The following ARHGEF4 variants were observed in gnomAD, a reference collection of about 807,000 sequenced individuals.
The protein encoded by ARHGEF4 is APC-stimulated guanine nucleotide exchange factor 1.
Under a neutral mutation model 162.0 loss-of-function variants are expected in ARHGEF4, and 119 were observed. That is an observed-to-expected ratio of 0.73 (90% CI 0.63 to 0.86). ARHGEF4 has a LOEUF of 0.86. ARHGEF4 is among the 40% of genes least tolerant of loss of function. ARHGEF4 has a pLI of 0.00. For synonymous variants in ARHGEF4, 1,014 were observed against 979.9 expected, an observed-to-expected ratio of 1.03 and a Z score of -0.65; for missense variants, 2,488 against 2,456.0, an observed-to-expected ratio of 1.01 and a Z score of -0.28.
intron 4 of ARHGEF4, chr2:130,964,234 C>T: frequency 6.1e-6 from 6 of 985,640 alleles, no homozygotes; most frequent in Non-Finnish European, 7.2e-6. Context: ...GGAGAGCCTG[C>T]GCTCGGCCAC....
chr2:130,889,036 C>T (rs895512590), intron 1 of ARHGEF4, among the ~76,000 whole-genome samples: 1 of 150,674 alleles, frequency 6.6e-6, no homozygotes, highest in South Asian at 2.1e-4. Context: ...ACCTGGGAGG[C>T]GGAGGTTGCA....
At position 130,857,019 on chromosome 2, in the gene ARHGEF4, A is replaced by G. The variant is rs545336206; in HGVS notation, c.39+20027A>G. On this transcript the variant is annotated intron_variant, in intron 1 of 13. Transcript: ENST00000409359. ...GGGTGGATCACGAGGTCAGGAGATC[A>G]AGACCATCCTGGCTAACATGGTGAA... Among the ~76,000 whole-genome samples the G allele has an allele frequency of 3.1e-4, 47 of 152,208 alleles. No individual in the cohort carries two copies. In the East Asian group the frequency reaches 3.1e-3, roughly 10 times the overall value.
intron 9 of ARHGEF4, 40 bp downstream of exon 9, chr2:131,041,502 G>GT: frequency 6.4e-7 from 1 of 1,573,320 alleles, no homozygotes; most frequent in Non-Finnish European, 8.7e-7. Flanking sequence ...CCACGCCTCT[G>GT]CATGCCTCCA....
At chr2:131,006,224 C>T (rs1284757614) in intron 4 of ARHGEF4, among the ~76,000 whole-genome samples, 1 of 152,110 alleles carries the variant, frequency 6.6e-6, no homozygotes, top group Non-Finnish European at 1.5e-5. Context: ...TTGATTCAGC[C>T]GCAGAGCCTC....
intron 4 of ARHGEF4, among the ~76,000 whole-genome samples, chr2:130,988,901 T>TATATAGAG (rs1469212068): frequency 1.4e-3 from 163 of 113,332 alleles, no homozygotes; most frequent in South Asian, 2.1e-3. Context: ...TATATATATA[T>TATATAGAG]AGAGAGAGAG....
In ARHGEF4 at chr2:130,915,157, G is replaced by C; in HGVS notation, c.1211G>C (p.Cys404Ser). The change falls in exon 2 of 14, where the codon TGC becomes TCC. Residue 404 changes from cysteine to serine, a missense_variant. By Grantham distance (112) the Cys-to-Ser change is moderately radical. Coordinates refer to ENST00000409359, the MANE Select transcript of ARHGEF4 (RefSeq NM_001367493.1). The part of the protein sequence containing the change: ...QSGAPHLQGP[C>S]KPGGFRLQRA... ...GGGGCTCCCCATCTGCAGGGTCCCTGCAAGCCTGGTGGGTTTCGCTTGCAA... is the reference window on the plus strand; with the variant it reads ...GGGGCTCCCCATCTGCAGGGTCCCTCCAAGCCTGGTGGGTTTCGCTTGCAA... 6.4e-6 allele frequency: 10 copies of C among 1,550,612 alleles called. No individual in the cohort carries two copies. Among genetic ancestry groups the C allele is most frequent in the Non-Finnish European group, 8.7e-6 (10 of 1,147,006 alleles).
intron 1 of ARHGEF4, among the ~76,000 whole-genome samples, chr2:130,839,371 G>T (rs1270834899): frequency 1.3e-5 from 2 of 152,152 alleles, no homozygotes; most frequent in African/African-American, 4.8e-5. Context: ...CTTCATTCTG[G>T]GAACCTCAGA....
At chr2:131,012,562 T>TTG (rs57278153) in intron 4 of ARHGEF4, among the ~76,000 whole-genome samples, 123,437 of 144,108 alleles carry the variant, frequency 0.86, 54,658 homozygotes, top group Non-Finnish European at 0.97. Context: ...GCCAGGACTT[T>TTG]TGTGTGTGTG....
intron 3 of ARHGEF4, among the ~76,000 whole-genome samples, chr2:130,935,512 T>C (rs1031958758): frequency 1.3e-4 from 20 of 152,232 alleles, no homozygotes; most frequent in Admixed American, 2.0e-4. Context: ...CTTTTACAAC[T>C]AGAAAGTTCC....
chr2:131,014,484 A>C (rs1211795215), intron 4 of ARHGEF4, among the ~76,000 whole-genome samples: 2 of 152,208 alleles, frequency 1.3e-5, no homozygotes. Context: ...AATTGCATTA[A>C]ACCTATGCAT....
intron 4 of ARHGEF4, among the ~76,000 whole-genome samples, chr2:131,024,090 C>A (rs753276463): frequency 1.3e-5 from 2 of 152,142 alleles, no homozygotes; most frequent in Non-Finnish European, 2.9e-5. Flanking sequence ...GTGCCATACG[C>A]CTATACACAC....
chr2:131,015,512 C>G (rs541179190), intron 4 of ARHGEF4, among the ~76,000 whole-genome samples: 2 of 152,282 alleles, frequency 1.3e-5, no homozygotes, highest in Admixed American at 6.5e-5. Context: ...GTGTGGGTGC[C>G]TGGGAACTCT....
At chr2:131,043,755 C>A in intron 11 of ARHGEF4, 172 bp downstream of exon 11, 1 of 807,802 alleles carries the variant, frequency 1.2e-6, no homozygotes, top group Non-Finnish European at 1.9e-6. Context: ...CCTGGTGGCC[C>A]AGGAGCAGCA....
At chr2:130,943,177 T>A (rs1266990162) in intron 3 of ARHGEF4, among the ~76,000 whole-genome samples, 1 of 152,208 alleles carries the variant, frequency 6.6e-6, no homozygotes, top group African/African-American at 2.4e-5. Flanking sequence ...GTCTTTTTGG[T>A]GAATTCACTC....
intron 2 of ARHGEF4, among the ~76,000 whole-genome samples, chr2:130,922,157 G>A (rs893751549): frequency 6.6e-6 from 1 of 151,962 alleles, no homozygotes; most frequent in Non-Finnish European, 1.5e-5. Flanking sequence ...ATCACCTGAG[G>A]TTAGGGGTTC....
At chr2:130,891,817 TG>T (rs1392702169) in intron 1 of ARHGEF4, among the ~76,000 whole-genome samples, 1 of 152,134 alleles carries the variant, frequency 6.6e-6, no homozygotes, top group Admixed American at 6.5e-5. Context: ...CATTGGGTAC[TG>T]GGGCTTTGAC....
chr2:131,040,166 A>C lies in ARHGEF4; in HGVS notation c.4456A>C (p.Ile1486Leu). ...GATCCTCAGCACTGAGCGGGACTACATCAAGCACCTGCGCGACATCTGCGA... is the reference window on the plus strand; with the variant it reads ...GATCCTCAGCACTGAGCGGGACTACCTCAAGCACCTGCGCGACATCTGCGA... ...NEILSTERDYIKHLRDICEGY... is the reference protein window; with the variant it reads ...NEILSTERDYLKHLRDICEGY... The change falls in exon 7 of 14, where the codon ATC becomes CTC. Residue 1486 changes from isoleucine (I) to leucine (L), a missense_variant. This residue lies in a region of ARHGEF4 where 174 missense variants were observed against 148.3 expected (regional missense o/e 1.17). Transcript: ENST00000409359. 1 of 1,611,804 alleles carries C rather than the reference A, an allele frequency of 6.2e-7. No individual in the cohort carries two copies. The highest frequency in any genetic ancestry group is 8.5e-7 in the Non-Finnish European group (1 of 1,178,616).
intron 4 of ARHGEF4, among the ~76,000 whole-genome samples, chr2:131,010,401 A>G (rs529634210): frequency 6.6e-6 from 1 of 152,230 alleles, no homozygotes; most frequent in African/African-American, 2.4e-5. Context: ...CTTTTTTCCC[A>G]GTAGGTATAA....
chr2:130,983,743 G>A (rs962483245), intron 4 of ARHGEF4, among the ~76,000 whole-genome samples: 11 of 151,912 alleles, frequency 7.2e-5, no homozygotes, highest in Admixed American at 2.0e-4. Context: ...TCCGCCTCCC[G>A]GGTTCATGCC....
Sources: allele counts gnomAD v4.1 joint callset (sites outside exome capture counted in the v4.1 genomes callset), GRCh38; gene constraint gnomAD v4.1.1; regional missense constraint gnomAD v4.1.1; transcripts MANE v1.5; gene names NCBI Gene and HGNC (gene_info 2026-07-23, HGNC 2026-07-21).